ATP9B: variants seen among roughly 807,000 people sequenced by gnomAD.
ATP9B encodes the protein probable phospholipid-transporting ATPase IIB.
In ATP9B, 110 loss-of-function variants were observed where a neutral mutation model predicts 146.1. That is an observed-to-expected ratio of 0.75 (90% CI 0.65 to 0.88). ATP9B has a LOEUF of 0.88. Ranked by LOEUF, ATP9B falls within the 40% of genes least tolerant of loss-of-function variation. The probability of loss-of-function intolerance (pLI) is 0.00; values close to 1 mark genes in which losing one functional copy is unlikely to be tolerated. For missense variants in ATP9B, 1,499 were observed against 1,496.4 expected (o/e 1.00, Z -0.03); for synonymous variants, 604 against 569.7 (o/e 1.06, Z -0.86).
chr18:79,368,642 T>C (rs2097049970), intron 26 of ATP9B, among the ~76,000 whole-genome samples: 1 of 152,188 alleles, frequency 6.6e-6, no homozygotes, highest in African/African-American at 2.4e-5. Context: ...ATTGAGCTTA[T>C]CCATGTAAGA....
chr18:79,364,946 C>T (rs954635981), intron 26 of ATP9B, among the ~76,000 whole-genome samples: 1 of 151,960 alleles, frequency 6.6e-6, no homozygotes, highest in Non-Finnish European at 1.5e-5. Context: ...GGAAGGATTG[C>T]TTGAGCTGAG....
At chr18:79,310,830 A>G (rs965035164) in intron 15 of ATP9B, among the ~76,000 whole-genome samples, 4 of 152,064 alleles carry the variant, frequency 2.6e-5, no homozygotes, top group Non-Finnish European at 4.4e-5. Context: ...CTTTTTATAT[A>G]TGCACGCTAG....
At chr18:79,246,005 G>A (rs1424552793) in intron 11 of ATP9B, among the ~76,000 whole-genome samples, 1 of 130,552 alleles carries the variant, frequency 7.7e-6, no homozygotes, top group African/African-American at 3.0e-5. Flanking sequence ...CTGTGCGGAG[G>A]GCACCGCCCT....
intron 6 of ATP9B, among the ~76,000 whole-genome samples, chr18:79,147,357 A>G (rs373362441): frequency 6.6e-6 from 1 of 152,332 alleles, no homozygotes; most frequent in East Asian, 1.9e-4. Context: ...CCTAGCATGC[A>G]TAGACCACCG....
intron 4 of ATP9B, among the ~76,000 whole-genome samples, chr18:79,121,433 G>T (rs551655842): frequency 1.8e-4 from 27 of 152,246 alleles, no homozygotes; most frequent in Admixed American, 1.8e-3. Flanking sequence ...TGTTGGTACC[G>T]AGGTAATGGG....
chr18:79,323,934 T>C (rs1273283653), intron 15 of ATP9B, among the ~76,000 whole-genome samples: 1 of 152,182 alleles, frequency 6.6e-6, no homozygotes, highest in Non-Finnish European at 1.5e-5. Context: ...TGCTCCCTTC[T>C]CCCACCTCCT....
At chr18:79,200,420 G>C (rs1302713774) in intron 9 of ATP9B, among the ~76,000 whole-genome samples, 1 of 152,138 alleles carries the variant, frequency 6.6e-6, no homozygotes, top group African/African-American at 2.4e-5. Flanking sequence ...AATCAGTAAG[G>C]ATATAGTAGA....
At chr18:79,336,398 C>T (rs866275360) in intron 17 of ATP9B, among the ~76,000 whole-genome samples, 2 of 152,214 alleles carry the variant, frequency 1.3e-5, no homozygotes, top group East Asian at 1.9e-4. Flanking sequence ...CTTTGCCTCT[C>T]GAGTGAAGGG....
chr18:79,216,779 C>A (rs974081497), intron 11 of ATP9B, among the ~76,000 whole-genome samples: 3 of 152,178 alleles, frequency 2.0e-5, no homozygotes, highest in African/African-American at 7.2e-5. Context: ...CAGAATATAT[C>A]TCATAATTGA....
chr18:79,212,003 A>G (rs1003945897), intron 10 of ATP9B, among the ~76,000 whole-genome samples: 4 of 152,230 alleles, frequency 2.6e-5, no homozygotes, highest in Non-Finnish European at 5.9e-5. Context: ...AAATGAGTTT[A>G]TCATACTTTG....
chr18:79,161,264 T>C (rs1185108890), intron 7 of ATP9B, among the ~76,000 whole-genome samples: 1 of 152,238 alleles, frequency 6.6e-6, no homozygotes, highest in African/African-American at 2.4e-5. Flanking sequence ...AATTTTGTCT[T>C]ACATTCCATG....
At chr18:79,350,471 C>G (rs1333960932) in intron 25 of ATP9B, among the ~76,000 whole-genome samples, 1 of 152,232 alleles carries the variant, frequency 6.6e-6, no homozygotes, top group Non-Finnish European at 1.5e-5. Flanking sequence ...GAGGCTCCCT[C>G]AGCCCCAGTA....
At chr18:79,097,479 TTTAA>T (rs2074891318) in intron 2 of ATP9B, among the ~76,000 whole-genome samples, 1 of 151,538 alleles carries the variant, frequency 6.6e-6, no homozygotes, top group Non-Finnish European at 1.5e-5. Flanking sequence ...TTTTAATTTT[TTTAA>T]TTTTTTATTT....
rs893806675 is a variant in ATP9B at position 79,205,378 on chromosome 18, A to T, written c.955-1559A>T. On this transcript the variant is annotated intron_variant, in intron 9 of 29. Transcript: ENST00000426216. ...AATTACATCATCTGAAAGTGGTTTG[A>T]TAAGTAACTAGAAGGAAAACACCAG... 2.2e-4 allele frequency among the ~76,000 whole-genome samples: 14 copies of T among 65,100 alleles called. No homozygotes were observed. The South Asian group carries it at 4.0e-3, about 19-fold the overall frequency. 42.7% of individuals were successfully genotyped at this position (65,100 alleles called of 152,430 possible).
chr18:79,230,230 A>C (rs1308660102), intron 11 of ATP9B, among the ~76,000 whole-genome samples: 1 of 152,216 alleles, frequency 6.6e-6, no homozygotes, highest in Non-Finnish European at 1.5e-5. Flanking sequence ...ATCGGACAAG[A>C]GAAAGAAATA....
At chr18:79,313,312 T>TAA (rs2096662748) in intron 15 of ATP9B, among the ~76,000 whole-genome samples, 1 of 152,236 alleles carries the variant, frequency 6.6e-6, no homozygotes, top group Non-Finnish European at 1.5e-5. Context: ...TATCAGTTGC[T>TAA]GTCTTCTTAG....
intron 19 of ATP9B, 36 bp downstream of exon 19, chr18:79,337,485 T>G (rs779905483): frequency 6.3e-7 from 1 of 1,589,444 alleles, no homozygotes; most frequent in South Asian, 1.1e-5. Flanking sequence ...GCGCGCTGCT[T>G]TTGCTGAAGC....
At chr18:79,175,772 GCA>G (rs140553717) in intron 7 of ATP9B, among the ~76,000 whole-genome samples, 2,496 of 152,076 alleles carry the variant, frequency 0.016, 25 homozygotes, top group Non-Finnish European at 0.022. Context: ...ACATGCATGT[GCA>G]CACACAGATA....
At chr18:79,219,822 TTAA>T (rs2095661213) in intron 11 of ATP9B, among the ~76,000 whole-genome samples, 1 of 152,200 alleles carries the variant, frequency 6.6e-6, no homozygotes. Flanking sequence ...AAGAAAGAAG[TTAA>T]TCACAACAAC....
Sources: gnomAD v4.1 joint callset for allele counts (sites outside exome capture counted in the v4.1 genomes callset) on GRCh38, gnomAD v4.1.1 for gene constraint, MANE v1.5 for transcripts, NCBI Gene and HGNC (gene_info 2026-07-23, HGNC 2026-07-21) for gene names.